KIAA1328: variants seen among roughly 807,000 people sequenced by gnomAD.
KIAA1328 encodes KIAA1328, also known as protein hinderin.
In KIAA1328, 52 loss-of-function variants were observed where a neutral mutation model predicts 68.1. The ratio of observed to expected loss-of-function variants is 0.76; its 90% CI spans 0.61 to 0.96. The LOEUF (loss-of-function observed/expected upper bound fraction) is 0.96. Among genes scored for constraint, KIAA1328 ranks in the 40% least tolerant of loss-of-function variants. KIAA1328 has a pLI of 0.00. For missense variants in KIAA1328, 641 were observed against 677.6 expected, an observed-to-expected ratio of 0.95 and a Z score of 0.60; for synonymous variants, 232 against 239.4, an observed-to-expected ratio of 0.97 and a Z score of 0.28.
At chr18:37,133,246 C>T (rs558661568) in intron 7 of KIAA1328, among the ~76,000 whole-genome samples, 3 of 151,294 alleles carry the variant, frequency 2.0e-5, no homozygotes, top group Admixed American at 6.6e-5. Context: ...GCAGGAGAAT[C>T]GCTTGAACCC....
intron 6 of KIAA1328, among the ~76,000 whole-genome samples, chr18:37,016,440 T>C (rs763190244): frequency 7.9e-5 from 12 of 152,202 alleles, no homozygotes; most frequent in Non-Finnish European, 1.5e-4. Context: ...TTTTTATTTT[T>C]CATTGTATCT....
chr18:36,941,573 C>T (rs898254493), intron 5 of KIAA1328, among the ~76,000 whole-genome samples: 3 of 151,762 alleles, frequency 2.0e-5, no homozygotes, highest in Non-Finnish European at 2.9e-5. Flanking sequence ...CTAGCCTGGG[C>T]GACAGACAGA....
chr18:36,838,756 G>T (rs1483044468), intron 3 of KIAA1328, among the ~76,000 whole-genome samples: 1 of 151,256 alleles, frequency 6.6e-6, no homozygotes, highest in East Asian at 1.9e-4. Flanking sequence ...TTTTTTTGAG[G>T]TGCAGAGTTG....
chr18:36,952,399 C>T (rs1194983993), intron 5 of KIAA1328, among the ~76,000 whole-genome samples: 2 of 152,042 alleles, frequency 1.3e-5, no homozygotes, highest in African/African-American at 4.8e-5. Flanking sequence ...CTCTCTAAGC[C>T]TTGATGTCTT....
intron 3 of KIAA1328, among the ~76,000 whole-genome samples, chr18:36,842,898 T>C (rs1436628347): frequency 6.6e-6 from 1 of 152,130 alleles, no homozygotes; most frequent in African/African-American, 2.4e-5. Context: ...TATATGCTTC[T>C]GATTCTCCAC....
chr18:37,196,859 C>T (rs2060012767), intron 9 of KIAA1328, among the ~76,000 whole-genome samples: 2 of 151,860 alleles, frequency 1.3e-5, no homozygotes, highest in East Asian at 1.9e-4. Flanking sequence ...GATATTAGTT[C>T]TTCTTTAAAT....
Position 36,893,464 on chromosome 18 carries a change from T to TG in KIAA1328, c.448+7792_448+7793insG, listed in dbSNP as rs1568132444. Among the ~76,000 whole-genome samples, 427 of 126,578 alleles carry TG rather than the reference T, an allele frequency of 3.4e-3. 1 individual carries two copies. Among genetic ancestry groups the TG allele is most frequent in the African/African-American group, 0.011 (375 of 35,202 alleles). The allele number at this position is 126,578 out of a possible 152,430, so 83.0% of individuals were successfully genotyped here. A position where few individuals can be genotyped will look rare whatever the true frequency, so the allele number is the denominator to read the frequency against. On this transcript the variant is annotated intron_variant, in intron 5 of 9. Transcript: ENST00000280020. ...GTGTGTGTGTGTGTGTGTGTGTGTT[T>TG]TTGTGTGTGTGTGTGTGTGTGTGTG...
At chr18:36,866,766 C>T (rs978777355) in intron 4 of KIAA1328, among the ~76,000 whole-genome samples, 15 of 152,112 alleles carry the variant, frequency 9.9e-5, no homozygotes, top group African/African-American at 3.6e-4. Context: ...TACATCTTTT[C>T]AGAAAATAAT....
chr18:37,196,925 G>A (rs1176724214), intron 9 of KIAA1328, among the ~76,000 whole-genome samples: 2 of 151,958 alleles, frequency 1.3e-5, no homozygotes, highest in East Asian at 1.9e-4. Flanking sequence ...TTTGATGGGA[G>A]ACTTACAAAA....
At chr18:36,869,094 T>C (rs1422222345) in intron 4 of KIAA1328, among the ~76,000 whole-genome samples, 2 of 151,500 alleles carry the variant, frequency 1.3e-5, no homozygotes, top group African/African-American at 2.4e-5. Flanking sequence ...TGGATTTTGT[T>C]TGGGGTCAAG....
intron 6 of KIAA1328, among the ~76,000 whole-genome samples, chr18:36,988,779 A>G (rs2053049857): frequency 6.6e-6 from 1 of 152,224 alleles, no homozygotes; most frequent in East Asian, 1.9e-4. Context: ...TGTTACCTAT[A>G]CATGTATCAT....
chr18:36,851,862 G>A (rs569762682), intron 4 of KIAA1328, among the ~76,000 whole-genome samples: 1 of 151,522 alleles, frequency 6.6e-6, no homozygotes, highest in Non-Finnish European at 1.5e-5. Flanking sequence ...AGTTCCTTAA[G>A]GTGTAAAGTT....
intron 7 of KIAA1328, among the ~76,000 whole-genome samples, chr18:37,106,155 C>T (rs1279137746): frequency 1.3e-5 from 2 of 151,656 alleles, no homozygotes; most frequent in East Asian, 3.9e-4. Context: ...AATAAAATGT[C>T]ATTTATCCAT....
At chr18:36,962,945 A>G (rs2051753717) in intron 6 of KIAA1328, among the ~76,000 whole-genome samples, 1 of 152,236 alleles carries the variant, frequency 6.6e-6, no homozygotes, top group Non-Finnish European at 1.5e-5. Context: ...AAAAGCTAGC[A>G]GAAGGCAAGA....
chr18:37,211,870 C>T (rs1374526304), intron 9 of KIAA1328, among the ~76,000 whole-genome samples: 1 of 152,140 alleles, frequency 6.6e-6, no homozygotes, highest in African/African-American at 2.4e-5. Flanking sequence ...CTCTGGATTT[C>T]AGTTTGCACC....
chr18:37,011,123 A>C (rs768737936), intron 6 of KIAA1328, among the ~76,000 whole-genome samples: 1 of 152,140 alleles, frequency 6.6e-6, no homozygotes, highest in Non-Finnish European at 1.5e-5. Flanking sequence ...TAAATCTTCT[A>C]ATCTTTTCCC....
intron 8 of KIAA1328, among the ~76,000 whole-genome samples, chr18:37,160,782 G>A (rs2059262828): frequency 6.6e-6 from 1 of 152,146 alleles, no homozygotes; most frequent in Admixed American, 6.6e-5. Context: ...GTGGAGGAGA[G>A]GTCATGGACA....
intron 4 of KIAA1328, among the ~76,000 whole-genome samples, chr18:36,863,778 G>T (rs2047649610): frequency 6.6e-6 from 1 of 151,946 alleles, no homozygotes; most frequent in African/African-American, 2.4e-5. Context: ...AATTGTAAAA[G>T]GTATTATATT....
At chr18:36,845,354 T>A (rs543344169) in intron 4 of KIAA1328, among the ~76,000 whole-genome samples, 1 of 151,904 alleles carries the variant, frequency 6.6e-6, no homozygotes, top group East Asian at 1.9e-4. Flanking sequence ...GTGATGTTCT[T>A]GTGAGGCTAT....
Sources: gnomAD v4.1 joint callset for allele counts (sites outside exome capture counted in the v4.1 genomes callset) on GRCh38, gnomAD v4.1.1 for gene constraint, MANE v1.5 for transcripts, NCBI Gene and HGNC (gene_info 2026-07-23, HGNC 2026-07-21) for gene names.